Variants in MAPKAP1 observed in about 807,000 individuals in gnomAD.
MAPKAP1 encodes the protein target of rapamycin complex 2 subunit MAPKAP1.
MAPKAP1 carries 20 observed loss-of-function variants against 65.7 expected under a neutral mutation model. That is an observed-to-expected ratio of 0.30 (90% CI 0.21 to 0.44). MAPKAP1 has a LOEUF of 0.44. Among genes scored for constraint, MAPKAP1 ranks in the 20% least tolerant of loss-of-function variants. The pLI, the probability that MAPKAP1 is intolerant of heterozygous loss-of-function variation, is 1.00. For synonymous variants in MAPKAP1, 222 were observed against 244.3 expected (o/e 0.91, Z 0.85); for missense variants, 423 against 648.0 (o/e 0.65, Z 3.77).
Position 125,482,700 on chromosome 9 carries a change from G to C in MAPKAP1, c.1207+1743C>G, listed in dbSNP as rs867775257. On this transcript the variant is annotated intron_variant, in intron 9 of 11. Transcript: ENST00000265960. ...ATAATGTTGATAAGGGAAAAAATGA[G>C]TTTTGTTATATGTCATTTCACTTAA... 3.3e-5 allele frequency among the ~76,000 whole-genome samples: 5 copies of C among 152,234 alleles called. 1 individual carries two copies. In the South Asian group the frequency reaches 1.0e-3, roughly 32 times the overall value.
intron 5 of MAPKAP1, among the ~76,000 whole-genome samples, chr9:125,578,882 T>C (rs1020141123): frequency 6.6e-6 from 1 of 152,228 alleles, no homozygotes; most frequent in African/African-American, 2.4e-5. Context: ...TTAATAAGTA[T>C]ATATTGAGGT....
intron 4 of MAPKAP1, among the ~76,000 whole-genome samples, chr9:125,610,578 C>T (rs1397135157): frequency 6.6e-6 from 1 of 152,124 alleles, no homozygotes; most frequent in East Asian, 1.9e-4. Context: ...CCTCACAACC[C>T]ACCACCACCA....
intron 1 of MAPKAP1, among the ~76,000 whole-genome samples, chr9:125,698,297 ATATAT>A (rs1564622392): frequency 8.6e-4 from 9 of 10,524 alleles, no homozygotes; most frequent in African/African-American, 3.6e-3. Flanking sequence ...AAATATATAT[ATATAT>A]ATATATATAT....
chr9:125,619,811 G>A (rs1332799801), intron 4 of MAPKAP1, among the ~76,000 whole-genome samples: 1 of 151,680 alleles, frequency 6.6e-6, no homozygotes, highest in Non-Finnish European at 1.5e-5. Flanking sequence ...AAAAAAATTA[G>A]TGCATAGTCA....
rs148617426 is a variant in MAPKAP1, at chr9:125,627,335, G to A, written c.498+30316C>T. 2.9e-3 allele frequency among the ~76,000 whole-genome samples: 435 copies of A among 152,164 alleles called. 3 individuals are homozygous for A. The highest frequency in any genetic ancestry group is 9.8e-3 in the African/African-American group (406 of 41,528). On this transcript the variant is annotated intron_variant, in intron 4 of 11. Transcript: ENST00000265960. Reference sequence around the variant, plus strand: ...CATTTCCAATAGCCAGTTTTTTAAGGCTTTAAAGTTTTTATGTAAAAATTA... The same window carrying A: ...CATTTCCAATAGCCAGTTTTTTAAGACTTTAAAGTTTTTATGTAAAAATTA...
chr9:125,689,216 T>C (rs1835082197), intron 1 of MAPKAP1, among the ~76,000 whole-genome samples: 1 of 151,452 alleles, frequency 6.6e-6, no homozygotes, highest in South Asian at 2.1e-4. Context: ...GGTGGGCGGA[T>C]CACGAAGTCA....
chr9:125,575,695 G>C (rs973936555), intron 5 of MAPKAP1, among the ~76,000 whole-genome samples: 1 of 152,160 alleles, frequency 6.6e-6, no homozygotes, highest in Admixed American at 6.5e-5. Flanking sequence ...TGAAAATACT[G>C]ATAAAAACCA....
intron 6 of MAPKAP1, among the ~76,000 whole-genome samples, chr9:125,547,794 A>AGGG (rs1830471342): frequency 6.6e-6 from 1 of 152,240 alleles, no homozygotes; most frequent in African/African-American, 2.4e-5. Context: ...AAATTTCCCA[A>AGGG]GAGCTCCAAG....
At chr9:125,702,571 G>A (rs1835633996) in intron 1 of MAPKAP1, among the ~76,000 whole-genome samples, 1 of 150,614 alleles carries the variant, frequency 6.6e-6, no homozygotes, top group Non-Finnish European at 1.5e-5. Context: ...CTAGTACATG[G>A]CCGGATGCAA....
intron 7 of MAPKAP1, among the ~76,000 whole-genome samples, chr9:125,528,185 C>A (rs527515507): frequency 2.6e-5 from 4 of 152,302 alleles, no homozygotes; most frequent in East Asian, 3.9e-4. Context: ...CAGCAGCTGG[C>A]AAGATCAGTG....
At chr9:125,580,669 G>C in intron 5 of MAPKAP1, among the ~76,000 whole-genome samples, 1 of 125,784 alleles carries the variant, frequency 8.0e-6, no homozygotes, top group African/African-American at 2.7e-5. Context: ...ATGTACCCTA[G>C]AACTTAAAAG....
intron 4 of MAPKAP1, among the ~76,000 whole-genome samples, chr9:125,601,846 C>A (rs1190789617): frequency 3.9e-5 from 6 of 152,206 alleles, no homozygotes; most frequent in Non-Finnish European, 7.3e-5. Flanking sequence ...AGAACCTACA[C>A]CTCTGGTGAC....
At chr9:125,509,284 A>C in intron 7 of MAPKAP1, among the ~76,000 whole-genome samples, 1 of 9,410 alleles carries the variant, frequency 1.1e-4, no homozygotes, top group Non-Finnish European at 1.5e-4. Context: ...AGGTAAATCT[A>C]AGCAAAAAAT....
intron 4 of MAPKAP1, among the ~76,000 whole-genome samples, chr9:125,632,380 C>A (rs962185176): frequency 1.3e-5 from 2 of 152,172 alleles, no homozygotes; most frequent in Non-Finnish European, 2.9e-5. Flanking sequence ...TTAGTCAAGT[C>A]CCTGGCACAT....
intron 8 of MAPKAP1, among the ~76,000 whole-genome samples, chr9:125,500,912 CA>C (rs1254978766): frequency 6.6e-6 from 1 of 152,046 alleles, no homozygotes. Flanking sequence ...AAAAAAATGA[CA>C]GGGGCGGAGG....
chr9:125,666,189 A>G (rs1444934277), intron 3 of MAPKAP1, among the ~76,000 whole-genome samples: 1 of 152,218 alleles, frequency 6.6e-6, no homozygotes, highest in Non-Finnish European at 1.5e-5. Flanking sequence ...AGTTTTAGTT[A>G]CAAGAATATT....
chr9:125,484,406 C>T lies in MAPKAP1; in HGVS notation c.1207+37G>A, dbSNP rs1854421776. On this transcript the variant is annotated intron_variant, in intron 9 of 11. Coordinates refer to ENST00000265960, the MANE Select transcript of MAPKAP1 (RefSeq NM_001006617.3). ...TCCCCATTTCTACACCGACTGCTGA[C>T]ACGACAAGCTAGCTCATCACCTGCT... The T allele has an allele frequency of 1.9e-6, 3 of 1,573,574 alleles. No homozygotes were observed. The South Asian group carries it at 3.6e-5, about 19-fold the overall frequency.
At chr9:125,596,852 G>A (rs757599900) in intron 4 of MAPKAP1, among the ~76,000 whole-genome samples, 7 of 151,704 alleles carry the variant, frequency 4.6e-5, no homozygotes, top group Non-Finnish European at 8.8e-5. Flanking sequence ...TTTCTTCTGT[G>A]GAAAATGTAA....
In MAPKAP1 at chr9:125,484,724, G is replaced by A. The variant is rs1015164233; in HGVS notation, c.1067-141C>T. 8.2e-5 allele frequency: 60 copies of A among 733,002 alleles called. 1 individual carries two copies. In the South Asian group the frequency reaches 1.5e-3, roughly 18 times the overall value. 45.4% of individuals were successfully genotyped at this position (733,002 alleles called of 1,614,324 possible). On this transcript the variant is annotated intron_variant, in intron 8 of 11. Transcript: ENST00000265960. ...AAAGGCTGAGCGATGACTTAATAAT[G>A]CCATTCCAGTAAACAGAGAATGGTA...
Sources: allele counts gnomAD v4.1 joint callset (sites outside exome capture counted in the v4.1 genomes callset), GRCh38; gene constraint gnomAD v4.1.1; transcripts MANE v1.5; gene names NCBI Gene and HGNC (gene_info 2026-07-23, HGNC 2026-07-21).